The following ECT2L variants were observed in gnomAD, a reference collection of about 807,000 sequenced individuals.
The protein encoded by ECT2L is epithelial cell transforming 2 like.
ECT2L carries 126 observed loss-of-function variants against 122.8 expected under a neutral mutation model. That is an observed-to-expected ratio of 1.03 (90% CI 0.89 to 1.19). The LOEUF is 1.19. ECT2L is among the 50% of genes most tolerant of loss of function. The pLI is 0.00. For synonymous variants in ECT2L, 385 were observed against 381.8 expected, an observed-to-expected ratio of 1.01 and a Z score of -0.10; for missense variants, 1,012 against 1,064.1, an observed-to-expected ratio of 0.95 and a Z score of 0.68.
At chr6:138,836,567 C>T (rs1218810507) in intron 4 of ECT2L, among the ~76,000 whole-genome samples, 3 of 151,998 alleles carry the variant, frequency 2.0e-5, no homozygotes, top group Non-Finnish European at 4.4e-5. Context: ...GGATTACAGG[C>T]GTGAGCCACT....
In ECT2L at chr6:138,880,363, C is replaced by T. The variant is rs528497569; in HGVS notation, c.1666-594C>T. On this transcript the variant is annotated intron_variant, in intron 14 of 21. Transcript: ENST00000541398. The stretch of plus-strand genomic sequence containing the variant: ...TCTGCCAAGCCCCTTTCTAAGGGCA[C>T]CTGATCCCATTCATGAAGGAGGAGT... Among the ~76,000 whole-genome samples the T allele has an allele frequency of 2.3e-4, 35 of 152,252 alleles. 1 individual carries two copies. The highest frequency in any genetic ancestry group is 6.8e-3 in the Middle Eastern group (2 of 294).
At chr6:138,849,590 T>TTA (rs1345215864) in intron 9 of ECT2L, among the ~76,000 whole-genome samples, 156 bp downstream of exon 9, 28 of 149,050 alleles carry the variant, frequency 1.9e-4, no homozygotes, top group African/African-American at 6.3e-4. Flanking sequence ...TTTTTTTTTT[T>TTA]AATTCAGGGT....
At chr6:138,868,815 G>C (rs555743540) in intron 13 of ECT2L, among the ~76,000 whole-genome samples, 20 of 152,292 alleles carry the variant, frequency 1.3e-4, no homozygotes, top group African/African-American at 4.6e-4. Flanking sequence ...AAAATAGTGA[G>C]GAGAGGCCAG....
Position 138,902,898 on chromosome 6 carries a change from TGATGAAACCTAAGACA to T in ECT2L, c.*274_*289del. On this transcript the variant is annotated 3_prime_UTR_variant, in exon 22 of 22. Coordinates refer to ENST00000541398, the MANE Select transcript of ECT2L (RefSeq NM_001077706.3). ...TAATATTATTTAGAGTAATTTGATGTGATGAAACCTAAGACAGAGCAAGCACATTGTGTAAAGCTTT... is the reference window on the plus strand; with the variant it reads ...TAATATTATTTAGAGTAATTTGATGTGAGCAAGCACATTGTGTAAAGCTTT... 1 of 361,596 alleles carries T rather than the reference TGATGAAACCTAAGACA, an allele frequency of 2.8e-6. No individual in the cohort carries two copies. The highest frequency in any genetic ancestry group is 5.1e-6 in the Non-Finnish European group (1 of 197,038). The allele number at this position is 361,596 out of a possible 1,614,324, so 22.4% of individuals were successfully genotyped here.
intron 20 of ECT2L, among the ~76,000 whole-genome samples, chr6:138,893,185 GT>G (rs376508418): frequency 1.6e-5 from 2 of 122,726 alleles, no homozygotes; most frequent in Non-Finnish European, 1.6e-5. Context: ...TTTTTTTTTT[GT>G]TTTTTTTTGT....
intron 10 of ECT2L, among the ~76,000 whole-genome samples, chr6:138,861,101 G>A (rs933142379): frequency 7.2e-5 from 11 of 152,074 alleles, no homozygotes; most frequent in African/African-American, 2.4e-4. Flanking sequence ...ATGTATATGT[G>A]CCACATTTTC....
At chr6:138,859,658 T>TATTTGCCA (rs1202162377) in intron 10 of ECT2L, among the ~76,000 whole-genome samples, 2 of 152,176 alleles carry the variant, frequency 1.3e-5, no homozygotes, top group African/African-American at 4.8e-5. Flanking sequence ...TTCATGTGCT[T>TATTTGCCA]ATTTGCCATT....
At chr6:138,867,403 G>T (rs1020716831) in intron 12 of ECT2L, among the ~76,000 whole-genome samples, 2 of 151,912 alleles carry the variant, frequency 1.3e-5, no homozygotes, top group Non-Finnish European at 2.9e-5. Flanking sequence ...GGTCCAGTAC[G>T]GTGGCTCATG....
chr6:138,811,245 G>A (rs540278565), intron 1 of ECT2L, among the ~76,000 whole-genome samples: 62 of 152,296 alleles, frequency 4.1e-4, no homozygotes, highest in African/African-American at 1.3e-3. Context: ...GGCAAGGGAG[G>A]CCTCCAGCCA....
At position 138,843,039 on chromosome 6, in the gene ECT2L, G is replaced by A. The variant is rs988127782; in HGVS notation, c.403G>A (p.Asp135Asn). 1 of 1,612,384 alleles carries A rather than the reference G, an allele frequency of 6.2e-7. No homozygotes were observed. Among genetic ancestry groups the A allele is most frequent in the Non-Finnish European group, 8.5e-7 (1 of 1,178,820 alleles). Residue 135 changes from aspartate to asparagine, a missense_variant, in exon 6 of 22, where the codon GAT becomes AAT. Asp to Asn is a conservative substitution (Grantham distance 23). Coordinates refer to ENST00000541398, the MANE Select transcript of ECT2L (RefSeq NM_001077706.3). ...ATGGTTTCTGCCCTATACTCCAACA[G>A]ATAATGAGTATGGTGCTTGGAAGCG... ...FGWFLPYTPT[D>N]NEYGAWKRHY...
Position 138,846,589 on chromosome 6 carries a change from G to C in ECT2L, c.815G>C (p.Trp272Ser). 1 of 1,610,314 alleles carries C rather than the reference G, an allele frequency of 6.2e-7. No homozygotes were observed. The highest frequency in any genetic ancestry group is 8.5e-7 in the Non-Finnish European group (1 of 1,178,860). The change falls in exon 8 of 22, where the codon TGG (tryptophan) becomes TCG (serine). Residue 272 changes from tryptophan (W) to serine (S), a missense_variant. Trp to Ser is a radical substitution (Grantham distance 177, BLOSUM62 -3). Coordinates refer to ENST00000541398, the MANE Select transcript of ECT2L (RefSeq NM_001077706.3). ...HSYPLLSKKN[W>S]HGVHKNDDRS... ...TACCCTTTATTATCAAAGAAAAATT[G>C]GCATGGAGTTCATAAAAATGATGAC... is the stretch of plus-strand genomic sequence containing the variant.
intron 10 of ECT2L, among the ~76,000 whole-genome samples, chr6:138,857,295 G>A (rs1408253616): frequency 5.9e-5 from 9 of 152,122 alleles, no homozygotes; most frequent in Non-Finnish European, 1.0e-4. Context: ...AGACTTGAGC[G>A]CGCATCCATA....
At chr6:138,824,169 A>G (rs901307454) in intron 4 of ECT2L, among the ~76,000 whole-genome samples, 17 of 152,158 alleles carry the variant, frequency 1.1e-4, no homozygotes, top group African/African-American at 2.4e-4. Context: ...ACCAATTTCA[A>G]TTTCCTGGTT....
At chr6:138,838,235 T>A (rs1176469186) in intron 4 of ECT2L, 117 bp from the exon 5 acceptor site, 2 of 1,010,688 alleles carry the variant, frequency 2.0e-6, no homozygotes, top group African/African-American at 3.4e-5. Context: ...TATGTTTTGT[T>A]AGGATTTATT....
At chr6:138,847,382 TTTTTTTGA>T (rs1777264166) in intron 8 of ECT2L, among the ~76,000 whole-genome samples, 1 of 107,124 alleles carries the variant, frequency 9.3e-6, no homozygotes, top group Admixed American at 9.5e-5. Flanking sequence ...TTTTTTTTTT[TTTTTTTGA>T]GATGGAGTCT....
At position 138,870,576 on chromosome 6, in the gene ECT2L, T is replaced by C. The variant is rs935326444; in HGVS notation, c.1578+2370T>C. On this transcript the variant is annotated intron_variant, in intron 13 of 21. Coordinates refer to ENST00000541398, the MANE Select transcript of ECT2L (RefSeq NM_001077706.3). Reference sequence around the variant, plus strand: ...CACTATTTGGTTGTGGGGAGAAAGGTAGAAATTTGCATTTTGCTTTGACAT... The same window carrying C: ...CACTATTTGGTTGTGGGGAGAAAGGCAGAAATTTGCATTTTGCTTTGACAT... Among the ~76,000 whole-genome samples, 4 of 122,070 alleles carry C rather than the reference T, an allele frequency of 3.3e-5. No individual in the cohort carries two copies. The East Asian group carries it at 9.7e-4, about 30-fold the overall frequency. 80.1% of individuals were successfully genotyped at this position (122,070 alleles called of 152,430 possible).
In ECT2L at chr6:138,902,856, T is replaced by G; in HGVS notation, c.*229T>G. On this transcript the variant is annotated 3_prime_UTR_variant, in exon 22 of 22. Transcript: ENST00000541398. Reference sequence around the variant, plus strand: ...CAAAATTTTGAACTACTTCTTTTGGTAGCTGTATTTCATGGATAATATTAT... The same window carrying G: ...CAAAATTTTGAACTACTTCTTTTGGGAGCTGTATTTCATGGATAATATTAT... 2.3e-6 allele frequency: 1 copy of G among 444,150 alleles called. No homozygotes were observed. Among genetic ancestry groups the G allele is most frequent in the South Asian group, 2.4e-5 (1 of 41,778 alleles). 27.5% of individuals were successfully genotyped at this position (444,150 alleles called of 1,614,324 possible). A position where few individuals can be genotyped will look rare whatever the true frequency, so the allele number is the denominator to read the frequency against.
chr6:138,816,393 T>G (rs146338165), intron 4 of ECT2L, among the ~76,000 whole-genome samples: 2,517 of 152,318 alleles, frequency 0.017, 43 homozygotes, highest in Non-Finnish European at 0.027. Flanking sequence ...TACTTTTTTT[T>G]TTTGTTTGTT....
At chr6:138,814,915 C>T (rs755421515) in intron 4 of ECT2L, among the ~76,000 whole-genome samples, 43 of 152,096 alleles carry the variant, frequency 2.8e-4, no homozygotes, top group Non-Finnish European at 5.9e-5. Flanking sequence ...ATCAGACAGA[C>T]AATATATTGC....
Sources: gnomAD v4.1 joint callset for allele counts (sites outside exome capture counted in the v4.1 genomes callset) on GRCh38, gnomAD v4.1.1 for gene constraint, MANE v1.5 for transcripts, NCBI Gene and HGNC (gene_info 2026-07-23, HGNC 2026-07-21) for gene names.